The following ST3GAL4 variants were observed in gnomAD, a reference collection of about 807,000 sequenced individuals.
ST3GAL4 encodes the protein ST3 beta-galactoside alpha-2,3-sialyltransferase 4, also known as CMP-N-acetylneuraminate-beta-galactosamide-alpha-2,3-sialyltransferase 4.
In ST3GAL4, 24 loss-of-function variants were observed where a neutral mutation model predicts 42.6. The ratio of observed to expected loss-of-function variants is 0.56; its 90% CI spans 0.41 to 0.79. The LOEUF is 0.79. Among genes scored for constraint, ST3GAL4 ranks in the 30% least tolerant of loss-of-function variants. The probability of loss-of-function intolerance (pLI) is 0.00; values close to 1 mark genes in which losing one functional copy is unlikely to be tolerated. For synonymous variants in ST3GAL4, 135 were observed against 163.2 expected (o/e 0.83, Z 1.32); for missense variants, 311 against 430.8 (o/e 0.72, Z 2.46).
chr11:126,380,727 G>C (rs992810443), intron 1 of ST3GAL4, among the ~76,000 whole-genome samples: 1 of 152,130 alleles, frequency 6.6e-6, no homozygotes, highest in African/African-American at 2.4e-5. Flanking sequence ...AGACCTCCTC[G>C]GCAGGTAGGT....
rs924146156 is a variant in ST3GAL4 at position 126,379,517 on chromosome 11, G to GC, written c.-61+23678dup. 1.3e-5 allele frequency among the ~76,000 whole-genome samples: 2 copies of GC among 151,948 alleles called. No individual in the cohort carries two copies. The highest frequency in any genetic ancestry group is 2.9e-5 in the Non-Finnish European group (2 of 67,984). On this transcript the variant is annotated intron_variant, in intron 1 of 10. Coordinates refer to ENST00000444328, the MANE Select transcript of ST3GAL4 (RefSeq NM_001254757.2). The surrounding 1 kb of genome is among the most constrained non-coding windows in gnomAD (Gnocchi z 4.2). ...ATTGAGACGGAGTTTCTCTCTTGTT[G>GC]CCCAGGCTGCAGTGCAGTGGCACGA...
In ST3GAL4 at chr11:126,414,153, C is replaced by T. The variant is rs546460602; in HGVS notation, c.*106C>T. The T allele has an allele frequency of 8.1e-6, 9 of 1,108,700 alleles. No homozygotes were observed. In the South Asian group the frequency reaches 1.0e-4, roughly 12 times the overall value. The allele number at this position is 1,108,700 out of a possible 1,614,324, so 68.7% of individuals were successfully genotyped here. A position where few individuals can be genotyped will look rare whatever the true frequency, so the allele number is the denominator to read the frequency against. On this transcript the variant is annotated 3_prime_UTR_variant, in exon 11 of 11. Coordinates refer to ENST00000444328, the MANE Select transcript of ST3GAL4 (RefSeq NM_001254757.2). ...GCCAGTATGACCCACTTGGACTCACCCCCTCTTGGGGAGGGAGTTCTGGGC... is the reference window on the plus strand; with the variant it reads ...GCCAGTATGACCCACTTGGACTCACTCCCTCTTGGGGAGGGAGTTCTGGGC...
At chr11:126,369,495 G>A (rs1471872345) in intron 1 of ST3GAL4, among the ~76,000 whole-genome samples, 3 of 152,092 alleles carry the variant, frequency 2.0e-5, no homozygotes, top group Non-Finnish European at 2.9e-5. Context: ...TGATCCGCTC[G>A]CCTGGCCTCC....
At chr11:126,401,527 G>T (rs1386383644) in intron 1 of ST3GAL4, among the ~76,000 whole-genome samples, 1 of 150,616 alleles carries the variant, frequency 6.6e-6, no homozygotes, top group African/African-American at 2.4e-5. Context: ...CTTCACTCCA[G>T]CCTGGGTGAC....
In ST3GAL4 at chr11:126,384,842, G is replaced by A; in HGVS notation, c.-60-21254G>A. On this transcript the variant is annotated intron_variant, in intron 1 of 10. Coordinates refer to ENST00000444328, the MANE Select transcript of ST3GAL4 (RefSeq NM_001254757.2). This position sits in a 1 kb window ranked among gnomAD's most constrained non-coding sequence, Gnocchi z 5.5. ...CAGGTCCTTTGTCACATATGGGCCA[G>A]GAGAGGTGAGTGTGATTGTGGTAGT... 5 of 985,386 alleles carry A rather than the reference G, an allele frequency of 5.1e-6. No individual in the cohort carries two copies. Among genetic ancestry groups the A allele is most frequent in the Non-Finnish European group, 6.0e-6 (5 of 829,922 alleles). The allele number at this position is 985,386 out of a possible 1,614,324, so 61.0% of individuals were successfully genotyped here.
At chr11:126,395,789 T>C (rs1412800896) in intron 1 of ST3GAL4, among the ~76,000 whole-genome samples, 1 of 152,188 alleles carries the variant, frequency 6.6e-6, no homozygotes, top group Non-Finnish European at 1.5e-5. Flanking sequence ...CACGTGGAAC[T>C]GTGAGTCCAT....
At position 126,413,496 on chromosome 11, in the gene ST3GAL4, G is replaced by T; in HGVS notation, c.772-9G>T. The T allele has an allele frequency of 6.2e-7, 1 of 1,613,744 alleles. No homozygotes were observed. Among genetic ancestry groups the T allele is most frequent in the Non-Finnish European group, 8.5e-7 (1 of 1,179,926 alleles). On this transcript the variant is annotated splice_polypyrimidine_tract_variant and intron_variant, in intron 9 of 10. Coordinates refer to ENST00000444328, the MANE Select transcript of ST3GAL4 (RefSeq NM_001254757.2). ...CTCCCACTAACACCCTCCTGCCCCT[G>T]TTCCTCAGAAGCCCACCACGGGCCT...
Position 126,398,615 on chromosome 11 carries a change from T to A in ST3GAL4, c.-60-7481T>A, listed in dbSNP as rs1456157098. Among the ~76,000 whole-genome samples, 1 of 152,244 alleles carries A rather than the reference T, an allele frequency of 6.6e-6. No individual in the cohort carries two copies. Among genetic ancestry groups the A allele is most frequent in the Non-Finnish European group, 1.5e-5 (1 of 68,036 alleles). On this transcript the variant is annotated intron_variant, in intron 1 of 10. Transcript: ENST00000444328. The surrounding 1 kb of genome is among the most constrained non-coding windows in gnomAD (Gnocchi z 4.7). ...CTCTCAGCAGCTCAGACTCCACAGT[T>A]CTGCTGGGCATTGCCCTACAGGGGC...
chr11:126,363,940 C>T lies in ST3GAL4; in HGVS notation c.-61+8098C>T, dbSNP rs1399082319. Among the ~76,000 whole-genome samples, 1 of 152,226 alleles carries T rather than the reference C, an allele frequency of 6.6e-6. No homozygotes were observed. Among genetic ancestry groups the T allele is most frequent in the Non-Finnish European group, 1.5e-5 (1 of 68,046 alleles). ...TTGCCTCTGTTGGCTTTGTGACCCT[C>T]GCTTTGTACTGTGGCTTTGTTCTGC... On this transcript the variant is annotated intron_variant, in intron 1 of 10. Coordinates refer to ENST00000444328, the MANE Select transcript of ST3GAL4 (RefSeq NM_001254757.2). The surrounding 1 kb of genome is among the most constrained non-coding windows in gnomAD (Gnocchi z 4.6).
In ST3GAL4 at chr11:126,409,255, C is replaced by G. The variant is rs989289637; in HGVS notation, c.628-13C>G. On this transcript the variant is annotated splice_polypyrimidine_tract_variant and intron_variant, in intron 8 of 10. Coordinates refer to ENST00000444328, the MANE Select transcript of ST3GAL4 (RefSeq NM_001254757.2). The surrounding 1 kb of genome is among the most constrained non-coding windows in gnomAD (Gnocchi z 4.9). ...CCCGCTTCTGTCTCTCTCTTCTGAC[C>G]CCATCCTCCTAGGTGCGAAAGGGTT... is the stretch of plus-strand genomic sequence containing the variant. 6.2e-7 allele frequency: 1 copy of G among 1,613,530 alleles called. No individual in the cohort carries two copies. Among genetic ancestry groups the G allele is most frequent in the African/African-American group, 1.3e-5 (1 of 74,914 alleles).
At position 126,391,186 on chromosome 11, in the gene ST3GAL4, A is replaced by G. The variant is rs544023236; in HGVS notation, c.-60-14910A>G. ...ATATCTCTTTGACATCCTGGTCTCA[A>G]ATATTTTGGGGATATACCCAGAAGT... On this transcript the variant is annotated intron_variant, in intron 1 of 10. Transcript: ENST00000444328. This position sits in a 1 kb window ranked among gnomAD's most constrained non-coding sequence, Gnocchi z 5.5. Among the ~76,000 whole-genome samples the G allele has an allele frequency of 5.3e-5, 8 of 152,042 alleles. No homozygotes were observed. The South Asian group carries it at 1.7e-3, about 32-fold the overall frequency.
Position 126,410,737 on chromosome 11 carries a change from C to T in ST3GAL4, c.771+1326C>T, listed in dbSNP as rs1440503358. Among the ~76,000 whole-genome samples, 1 of 152,120 alleles carries T rather than the reference C, an allele frequency of 6.6e-6. No individual in the cohort carries two copies. Among genetic ancestry groups the T allele is most frequent in the East Asian group, 1.9e-4 (1 of 5,188 alleles). ...TCTTGCTTGGCGAGGAAGTTGTGCT[C>T]CTTGCTCTAAGGGACCTCAGTCTAG... On this transcript the variant is annotated intron_variant, in intron 9 of 10. Transcript: ENST00000444328. The surrounding 1 kb of genome is among the most constrained non-coding windows in gnomAD (Gnocchi z 5.3).
intron 1 of ST3GAL4, among the ~76,000 whole-genome samples, chr11:126,401,535 G>A (rs1477773574): frequency 6.6e-6 from 1 of 150,394 alleles, no homozygotes. Flanking sequence ...CAGCCTGGGT[G>A]ACAGAGGGAG....
Position 126,406,382 on chromosome 11 carries a change from G to A in ST3GAL4, c.17-91G>A, listed in dbSNP as rs1174842196. 1.4e-5 allele frequency: 22 copies of A among 1,601,018 alleles called. 1 individual carries two copies. The highest frequency in any genetic ancestry group is 1.0e-4 in the South Asian group (9 of 89,458). On this transcript the variant is annotated intron_variant, in intron 2 of 10. Coordinates refer to ENST00000444328, the MANE Select transcript of ST3GAL4 (RefSeq NM_001254757.2). This position sits in a 1 kb window ranked among gnomAD's most constrained non-coding sequence, Gnocchi z 5.4. The stretch of plus-strand genomic sequence containing the variant: ...GACTGCTTCTGTTGAGTTAGGGGTC[G>A]GAGGGACTCAGAAGGGGGCAGGTGG...
In ST3GAL4 at chr11:126,409,562, T is replaced by C. The variant is rs1482269184; in HGVS notation, c.771+151T>C. 9.0e-7 allele frequency: 1 copy of C among 1,106,378 alleles called. No individual in the cohort carries two copies. The highest frequency in any genetic ancestry group is 1.5e-5 in the South Asian group (1 of 66,982). 68.5% of individuals were successfully genotyped at this position (1,106,378 alleles called of 1,614,324 possible). A position where few individuals can be genotyped will look rare whatever the true frequency, so the allele number is the denominator to read the frequency against. On this transcript the variant is annotated intron_variant, in intron 9 of 10. Coordinates refer to ENST00000444328, the MANE Select transcript of ST3GAL4 (RefSeq NM_001254757.2). The surrounding 1 kb of genome is among the most constrained non-coding windows in gnomAD (Gnocchi z 4.9). ...GGAACACACCTGTCATTAAAGTTGCTGCTGCAAAGGGGAGTGCACACTTTA... is the reference window on the plus strand; with the variant it reads ...GGAACACACCTGTCATTAAAGTTGCCGCTGCAAAGGGGAGTGCACACTTTA...
rs768400396 is a variant in ST3GAL4, at chr11:126,406,589, T to C, written c.101+32T>C. On this transcript the variant is annotated intron_variant, in intron 3 of 10. Transcript: ENST00000444328. This position sits in a 1 kb window ranked among gnomAD's most constrained non-coding sequence, Gnocchi z 5.4. ...TCACCTTCCATGTCCTTCCAGTGGC[T>C]CTTGTCAGGGACAGGGCTTAGGGAT... The C allele has an allele frequency of 1.1e-5, 18 of 1,613,872 alleles. No individual in the cohort carries two copies. The highest frequency in any genetic ancestry group is 1.6e-4 in the Middle Eastern group (1 of 6,084).
rs1953942333 is a variant in ST3GAL4 at position 126,400,172 on chromosome 11, TGG to T, written c.-60-5923_-60-5922del. Among the ~76,000 whole-genome samples, 2 of 152,258 alleles carry T rather than the reference TGG, an allele frequency of 1.3e-5. No homozygotes were observed. Among genetic ancestry groups the T allele is most frequent in the African/African-American group, 4.8e-5 (2 of 41,462 alleles). ...ATATTATAATGAATAGAATTTTATT[TGG>T]CTCATGGTTCTGGAGGCTGGGAAGT... On this transcript the variant is annotated intron_variant, in intron 1 of 10. Transcript: ENST00000444328. This position sits in a 1 kb window ranked among gnomAD's most constrained non-coding sequence, Gnocchi z 4.6.
In ST3GAL4 at chr11:126,398,487, C is replaced by G. The variant is rs73632794; in HGVS notation, c.-60-7609C>G. On this transcript the variant is annotated intron_variant, in intron 1 of 10. Coordinates refer to ENST00000444328, the MANE Select transcript of ST3GAL4 (RefSeq NM_001254757.2). This position sits in a 1 kb window ranked among gnomAD's most constrained non-coding sequence, Gnocchi z 4.7. The stretch of plus-strand genomic sequence containing the variant: ...CAGCAGCTCTCACCGGTTGGAGTCT[C>G]ATGCTTGCAGCTCCCCCAGGTTGCT... Among the ~76,000 whole-genome samples the G allele has an allele frequency of 0.046, 7,038 of 152,308 alleles. 530 individuals carry two copies. The highest frequency in any genetic ancestry group is 0.16 in the African/African-American group (6,604 of 41,546).
At chr11:126,360,734 C>T (rs1225263049) in intron 1 of ST3GAL4, among the ~76,000 whole-genome samples, 1 of 152,168 alleles carries the variant, frequency 6.6e-6, no homozygotes, top group African/African-American at 2.4e-5. Flanking sequence ...GCGTGTCTGT[C>T]TTGTTCACTG....
Sources: gnomAD v4.1 joint callset for allele counts (sites outside exome capture counted in the v4.1 genomes callset) on GRCh38, gnomAD v4.1.1 for gene constraint, Gnocchi (gnomAD v3.1) non-coding constraint, MANE v1.5 for transcripts, NCBI Gene and HGNC (gene_info 2026-07-23, HGNC 2026-07-21) for gene names.